PPP4R2: variants seen among roughly 807,000 people sequenced by gnomAD.
PPP4R2 encodes the protein protein phosphatase 4 regulatory subunit 2, also known as serine/threonine-protein phosphatase 4 regulatory subunit 2.
In PPP4R2, 13 loss-of-function variants were observed where a neutral mutation model predicts 47.2. The observed-to-expected ratio is 0.28, with a 90% confidence interval of 0.18 to 0.44. The LOEUF is 0.44. Ranked by LOEUF, PPP4R2 falls within the 20% of genes least tolerant of loss-of-function variation. The pLI is 1.00. For missense variants in PPP4R2, 421 were observed against 491.2 expected, an observed-to-expected ratio of 0.86 and a Z score of 1.35; for synonymous variants, 151 against 163.3, an observed-to-expected ratio of 0.92 and a Z score of 0.57.
rs530793884 is a variant in PPP4R2 at position 73,002,156 on chromosome 3, A to G, written c.116+3998A>G. Among the ~76,000 whole-genome samples, 190 of 152,278 alleles carry G rather than the reference A, an allele frequency of 1.2e-3. 2 individuals carry two copies. Among genetic ancestry groups the G allele is most frequent in the African/African-American group, 4.3e-3 (178 of 41,560 alleles). ...AACATAATGGCCTATAGTTCCATCC[A>G]TGTTGTTGCAAATGACAGGATCTAA... On this transcript the variant is annotated intron_variant, in intron 2 of 8. Coordinates refer to ENST00000356692, the MANE Select transcript of PPP4R2 (RefSeq NM_174907.4).
At position 73,031,344 on chromosome 3, in the gene PPP4R2, A is replaced by G. The variant is rs571860260; in HGVS notation, c.117-15842A>G. Among the ~76,000 whole-genome samples, 6 of 152,160 alleles carry G rather than the reference A, an allele frequency of 3.9e-5. No homozygotes were observed. In the South Asian group the frequency reaches 1.2e-3, roughly 32 times the overall value. On this transcript the variant is annotated intron_variant, in intron 2 of 8. Coordinates refer to ENST00000356692, the MANE Select transcript of PPP4R2 (RefSeq NM_174907.4). ...CACCTGAGGCCAGGAGTTCGAGACC[A>G]GCCTGGCCAACATGGTGAAACCCTG... is the stretch of plus-strand genomic sequence containing the variant.
rs116664330 is a variant in PPP4R2, at chr3:73,016,073, A to G, written c.116+17915A>G. The stretch of plus-strand genomic sequence containing the variant: ...TGAGCCACCATGCCTGGCCTCTACT[A>G]TCTGAAACATAGTTTTAAATGACAT... On this transcript the variant is annotated intron_variant, in intron 2 of 8. Coordinates refer to ENST00000356692, the MANE Select transcript of PPP4R2 (RefSeq NM_174907.4). 948 of 154,092 alleles carry G rather than the reference A, an allele frequency of 6.2e-3. 11 individuals are homozygous for G. The highest frequency in any genetic ancestry group is 0.02 in the African/African-American group (850 of 41,556). The allele number at this position is 154,092 out of a possible 1,614,324, so 9.5% of individuals were successfully genotyped here.
chr3:73,016,272 CT>C (rs58905254), intron 2 of PPP4R2: 79,721 of 150,488 alleles, frequency 0.53, 21,372 homozygotes, highest in African/African-American at 0.62. Context: ...TTCTCGTTCA[CT>C]TTTTTTTTTC....
intron 2 of PPP4R2, among the ~76,000 whole-genome samples, chr3:73,001,597 C>T (rs752393004): frequency 1.1e-4 from 16 of 152,068 alleles, no homozygotes; most frequent in Non-Finnish European, 2.2e-4. Context: ...CACACTTGCA[C>T]ACTTATGTAA....
At chr3:73,045,110 C>T (rs192032921) in intron 2 of PPP4R2, among the ~76,000 whole-genome samples, 7 of 152,264 alleles carry the variant, frequency 4.6e-5, no homozygotes, top group East Asian at 1.9e-4. Flanking sequence ...CCTGTTGCCT[C>T]GGCCTCTTGA....
chr3:73,035,782 C>T (rs1163793554), intron 2 of PPP4R2, among the ~76,000 whole-genome samples: 4 of 152,172 alleles, frequency 2.6e-5, no homozygotes, highest in Admixed American at 6.5e-5. Flanking sequence ...CACACCACAA[C>T]GCCTGGCTAA....
rs9812383 is a variant in PPP4R2 at position 73,061,634 on chromosome 3, A to T, written c.419+574A>T. The T allele has an allele frequency of 2.3e-3, 403 of 176,848 alleles. 1 individual carries two copies. The highest frequency in any genetic ancestry group is 8.3e-3 in the African/African-American group (347 of 41,654). 11.0% of individuals were successfully genotyped at this position (176,848 alleles called of 1,614,324 possible). ...TTCCCCTCTCCAAATATCTTTAGAC[A>T]TTGCCAAATGTCTCTTGGAGATGTG... On this transcript the variant is annotated intron_variant, in intron 5 of 8. Transcript: ENST00000356692.
chr3:73,018,397 C>T (rs1701884909), intron 2 of PPP4R2, among the ~76,000 whole-genome samples: 1 of 63,358 alleles, frequency 1.6e-5, no homozygotes, highest in Non-Finnish European at 3.7e-5. Context: ...GATGACTCTG[C>T]TGTCATAGTC....
intron 5 of PPP4R2, 30 bp from the exon 6 acceptor site, chr3:73,063,643 C>T (rs771964847): frequency 2.2e-6 from 3 of 1,356,096 alleles, no homozygotes; most frequent in South Asian, 1.2e-5. Flanking sequence ...AAAATTAAGT[C>T]ATCCACAAGT....
intron 2 of PPP4R2, among the ~76,000 whole-genome samples, chr3:73,045,071 G>A (rs999197617): frequency 1.3e-5 from 2 of 152,166 alleles, no homozygotes; most frequent in African/African-American, 4.8e-5. Flanking sequence ...TTGGCTTACT[G>A]CAGCCTCTAC....
At chr3:73,063,639 A>G (rs1385229659) in intron 5 of PPP4R2, 34 bp from the exon 6 acceptor site, 1 of 1,314,404 alleles carries the variant, frequency 7.6e-7, no homozygotes, top group East Asian at 2.3e-5. Context: ...AAAAAAAATT[A>G]AGTCATCCAC....
chr3:73,024,378 A>G (rs4677230), intron 2 of PPP4R2, among the ~76,000 whole-genome samples: 3,003 of 152,280 alleles, frequency 0.02, 87 homozygotes, highest in African/African-American at 0.054. Context: ...AGGATTGTCA[A>G]TGTGTATAAC....
chr3:73,007,735 C>T (rs568869314), intron 2 of PPP4R2, among the ~76,000 whole-genome samples: 7 of 152,266 alleles, frequency 4.6e-5, no homozygotes, highest in South Asian at 2.1e-4. Flanking sequence ...GTGATCGACC[C>T]GTCTCGGCTT....
At chr3:73,001,898 A>C (rs1311918006) in intron 2 of PPP4R2, among the ~76,000 whole-genome samples, 1 of 152,194 alleles carries the variant, frequency 6.6e-6, no homozygotes, top group Non-Finnish European at 1.5e-5. Context: ...AACTGCTGGG[A>C]TTACAGGCGT....
chr3:73,061,404 C>G, intron 5 of PPP4R2: 1 of 161,030 alleles, frequency 6.2e-6, no homozygotes, highest in Non-Finnish European at 1.3e-5. Flanking sequence ...GGAATAACTA[C>G]TTGATGGCTT....
intron 3 of PPP4R2, among the ~76,000 whole-genome samples, chr3:73,051,002 C>T (rs565172195): frequency 1.3e-5 from 2 of 152,200 alleles, no homozygotes; most frequent in Admixed American, 1.3e-4. Flanking sequence ...ACATCCTCCC[C>T]CTCCTGGGTT....
At chr3:73,047,996 C>T (rs1168308305) in intron 3 of PPP4R2, among the ~76,000 whole-genome samples, 3 of 152,168 alleles carry the variant, frequency 2.0e-5, no homozygotes, top group Non-Finnish European at 4.4e-5. Context: ...CCTCCCTCAG[C>T]TTCGCGAGTA....
In PPP4R2 at chr3:73,019,454, A is replaced by G. The variant is rs929751548; in HGVS notation, c.116+21296A>G. 3.3e-5 allele frequency among the ~76,000 whole-genome samples: 5 copies of G among 152,034 alleles called. No individual in the cohort carries two copies. The South Asian group carries it at 6.2e-4, about 19-fold the overall frequency. On this transcript the variant is annotated intron_variant, in intron 2 of 8. Transcript: ENST00000356692. ...AGTGGTGTGATCTCAGCTCACTGCA[A>G]CCTCCTCCTCCTGGGTTCAAGTGAT...
At chr3:73,034,256 A>T (rs1702222266) in intron 2 of PPP4R2, among the ~76,000 whole-genome samples, 1 of 152,210 alleles carries the variant, frequency 6.6e-6, no homozygotes, top group Non-Finnish European at 1.5e-5. Context: ...GCACCTTTAA[A>T]AAAGAGTGTT....
Sources: gnomAD v4.1 joint callset for allele counts (sites outside exome capture counted in the v4.1 genomes callset) on GRCh38, gnomAD v4.1.1 for gene constraint, MANE v1.5 for transcripts, NCBI Gene and HGNC (gene_info 2026-07-23, HGNC 2026-07-21) for gene names.